The following TRMT11 variants were observed in gnomAD, a reference collection of about 807,000 sequenced individuals.
TRMT11 encodes tRNA methyltransferase 11.
TRMT11 carries 53 observed loss-of-function variants against 62.8 expected under a neutral mutation model. The observed-to-expected ratio is 0.84, with a 90% confidence interval of 0.68 to 1.06. TRMT11 has a LOEUF of 1.06. TRMT11 is among the 50% of genes least tolerant of loss of function. The probability of loss-of-function intolerance (pLI) is 0.00; values close to 1 mark genes in which losing one functional copy is unlikely to be tolerated. For synonymous variants in TRMT11, 188 were observed against 190.3 expected, an observed-to-expected ratio of 0.99 and a Z score of 0.10; for missense variants, 556 against 553.4, an observed-to-expected ratio of 1.00 and a Z score of -0.05.
intron 17 of TRMT11, among the ~76,000 whole-genome samples, chr6:126,094,967 C>T (rs946034963): frequency 5.3e-5 from 8 of 152,172 alleles, no homozygotes; most frequent in Non-Finnish European, 7.4e-5. Flanking sequence ...ATTCTAGTGA[C>T]TACCTTATAG....
In TRMT11 at chr6:126,002,630, A is replaced by T. The variant is rs146427492; in HGVS notation, c.679+3017A>T. ...AGTTTGCCCTCTGTTTTAGGTTTTT[A>T]TCTCCTATCCCCCACTCCTTATTGA... On this transcript the variant is annotated intron_variant, in intron 7 of 12. Coordinates refer to ENST00000334379, the MANE Select transcript of TRMT11 (RefSeq NM_001031712.3). 6.8e-4 allele frequency among the ~76,000 whole-genome samples: 104 copies of T among 152,072 alleles called. No homozygotes were observed. The East Asian group carries it at 0.019, about 27-fold the overall frequency.
chr6:125,989,769 A>T (rs1287507548), intron 1 of TRMT11, among the ~76,000 whole-genome samples: 1 of 152,168 alleles, frequency 6.6e-6, no homozygotes, highest in East Asian at 1.9e-4. Context: ...TTAAGATGAA[A>T]ATCTTTAGTC....
At chr6:126,122,111 G>GTC (rs1777656809) in intron 21 of TRMT11, among the ~76,000 whole-genome samples, 4 of 152,060 alleles carry the variant, frequency 2.6e-5, no homozygotes, top group Non-Finnish European at 5.9e-5. Context: ...CCCTGCACAT[G>GTC]CTGTCTTGCC....
At chr6:126,183,185 C>T (rs138657479) in intron 1 of TRMT11, among the ~76,000 whole-genome samples, 29 of 152,212 alleles carry the variant, frequency 1.9e-4, no homozygotes, top group Middle Eastern at 6.8e-3. Context: ...TTGGCAACAC[C>T]ATCAACCCCA....
At chr6:126,241,197 G>A in the TRMT11 span, among the ~76,000 whole-genome samples, 4 of 152,280 alleles carry the variant, frequency 2.6e-5, no homozygotes, top group South Asian at 8.3e-4. Flanking sequence ...CTCATGCTCG[G>A]TGTGCTGCAC....
At chr6:126,028,996 A>G (rs1773697404) in intron 12 of TRMT11, among the ~76,000 whole-genome samples, 1 of 152,202 alleles carries the variant, frequency 6.6e-6, no homozygotes. Context: ...AATATAACTC[A>G]GGGATTCCAA....
intron 21 of TRMT11, among the ~76,000 whole-genome samples, chr6:126,122,599 A>T (rs1777663076): frequency 6.6e-6 from 1 of 152,164 alleles, no homozygotes; most frequent in African/African-American, 2.4e-5. Context: ...TGTTCAGAGA[A>T]GCCAAGAAGA....
At chr6:126,008,304 T>G in intron 7 of TRMT11, 88 bp from the exon 8 acceptor site, 1 of 1,072,768 alleles carries the variant, frequency 9.3e-7, no homozygotes, top group East Asian at 2.4e-5. Flanking sequence ...TGCCTGCAGC[T>G]AGTTTCTAAG....
chr6:126,089,349 G>A (rs887776077), intron 17 of TRMT11, among the ~76,000 whole-genome samples: 5 of 152,018 alleles, frequency 3.3e-5, no homozygotes, highest in Admixed American at 2.0e-4. Context: ...CCTGACCTCG[G>A]GATCCGCCTG....
At chr6:126,023,255 T>G (rs1017320596) in intron 12 of TRMT11, among the ~76,000 whole-genome samples, 1 of 152,256 alleles carries the variant, frequency 6.6e-6, no homozygotes, top group Non-Finnish European at 1.5e-5. Context: ...ATGAAAATTT[T>G]AAATGACTAA....
intron 12 of TRMT11, among the ~76,000 whole-genome samples, chr6:126,025,898 G>T (rs1289792835): frequency 6.6e-6 from 1 of 152,136 alleles, no homozygotes; most frequent in Non-Finnish European, 1.5e-5. Context: ...TCTTTTAAAA[G>T]TGTAAATGTA....
At chr6:126,266,800 G>A in the TRMT11 span, among the ~76,000 whole-genome samples, 1 of 152,102 alleles carries the variant, frequency 6.6e-6, no homozygotes, top group Non-Finnish European at 1.5e-5. Flanking sequence ...TGCTAAAAGG[G>A]AATTGTTCTT....
At chr6:126,072,528 C>G (rs1346048730) in intron 17 of TRMT11, among the ~76,000 whole-genome samples, 2 of 152,076 alleles carry the variant, frequency 1.3e-5, no homozygotes, top group Non-Finnish European at 2.9e-5. Flanking sequence ...AACTTGATAC[C>G]AAGAGCTCGT....
At chr6:126,262,255 G>A in the TRMT11 span, among the ~76,000 whole-genome samples, 1 of 152,186 alleles carries the variant, frequency 6.6e-6, no homozygotes, top group African/African-American at 2.4e-5. Context: ...GTCAGGTTAG[G>A]TGTGGGTGCA....
At chr6:126,097,138 G>T (rs1008920877) in intron 17 of TRMT11, among the ~76,000 whole-genome samples, 1 of 152,086 alleles carries the variant, frequency 6.6e-6, no homozygotes, top group Non-Finnish European at 1.5e-5. Context: ...ATTTGAGGGT[G>T]GTAATATGAA....
At chr6:126,185,267 C>G (rs935890162) in intron 1 of TRMT11, among the ~76,000 whole-genome samples, 3 of 152,104 alleles carry the variant, frequency 2.0e-5, no homozygotes, top group African/African-American at 7.2e-5. Context: ...CTGTTTTGGT[C>G]AGCAAAGTTT....
At chr6:126,038,437 CAAA>C (rs72178194) in intron 12 of TRMT11, among the ~76,000 whole-genome samples, 26 of 129,218 alleles carry the variant, frequency 2.0e-4, no homozygotes, top group Non-Finnish European at 2.5e-4. Flanking sequence ...TGCCCTGAGG[CAAA>C]AAAAAAAAAA....
chr6:126,046,312 C>T (rs1776054795), intron 16 of TRMT11, among the ~76,000 whole-genome samples: 2 of 152,140 alleles, frequency 1.3e-5, no homozygotes, highest in South Asian at 4.1e-4. Context: ...GACCATGTGT[C>T]CATGGTTACT....
At chr6:126,263,691 G>A in the TRMT11 span, among the ~76,000 whole-genome samples, 1 of 152,112 alleles carries the variant, frequency 6.6e-6, no homozygotes, top group Non-Finnish European at 1.5e-5. Context: ...TTGAAAACTG[G>A]GCTGGACATC....
Sources: gnomAD v4.1 joint callset for allele counts (sites outside exome capture counted in the v4.1 genomes callset) on GRCh38, gnomAD v4.1.1 for gene constraint, MANE v1.5 for transcripts, NCBI Gene and HGNC (gene_info 2026-07-23, HGNC 2026-07-21) for gene names.